Variants in GALNT13 observed in about 807,000 individuals in gnomAD.
GALNT13 encodes UDP-GalNAc:polypeptide N-acetylgalactosaminyltransferase 13.
GALNT13 carries 28 observed loss-of-function variants against 64.2 expected under a neutral mutation model. That is an observed-to-expected ratio of 0.44 (90% CI 0.32 to 0.60). The LOEUF (loss-of-function observed/expected upper bound fraction) is 0.60, where lower values mean the gene tolerates loss of function less well. Among genes scored for constraint, GALNT13 ranks in the 20% least tolerant of loss-of-function variants. The pLI, the probability that GALNT13 is intolerant of heterozygous loss-of-function variation, is 0.05. For synonymous variants in GALNT13, 214 were observed against 224.6 expected (o/e 0.95, Z 0.42); for missense variants, 577 against 669.8 (o/e 0.86, Z 1.53).
At chr2:153,516,134 A>C in the GALNT13 span, among the ~76,000 whole-genome samples, 4 of 152,334 alleles carry the variant, frequency 2.6e-5, no homozygotes, top group South Asian at 8.3e-4. Flanking sequence ...TCATTATTCT[A>C]TGCCACTTTG....
intron 3 of GALNT13, among the ~76,000 whole-genome samples, chr2:154,075,041 C>A (rs957738824): frequency 1.3e-5 from 2 of 151,660 alleles, no homozygotes; most frequent in Non-Finnish European, 2.9e-5. Flanking sequence ...TACTGGAGAT[C>A]CTAGCCACAA....
At chr2:153,664,886 T>C in the GALNT13 span, among the ~76,000 whole-genome samples, 2 of 152,104 alleles carry the variant, frequency 1.3e-5, no homozygotes, top group Non-Finnish European at 2.9e-5. Flanking sequence ...CAAATGAGAA[T>C]TGCCCTTCCC....
the GALNT13 span, among the ~76,000 whole-genome samples, chr2:153,118,685 C>T: frequency 6.6e-6 from 1 of 152,056 alleles, no homozygotes; most frequent in Admixed American, 6.6e-5. Flanking sequence ...TAGCTAATAC[C>T]TTTATAGTTC....
chr2:153,661,481 A>G, the GALNT13 span, among the ~76,000 whole-genome samples: 5 of 152,100 alleles, frequency 3.3e-5, no homozygotes, highest in African/African-American at 1.2e-4. Context: ...CCAATTCCAA[A>G]TTTTTTTATG....
At chr2:154,402,258 T>G (rs1388138256) in intron 10 of GALNT13, among the ~76,000 whole-genome samples, 1 of 152,202 alleles carries the variant, frequency 6.6e-6, no homozygotes. Context: ...GTGGGCAGTA[T>G]ATATCTCTCT....
chr2:153,241,677 G>C, the GALNT13 span, among the ~76,000 whole-genome samples: 2 of 151,762 alleles, frequency 1.3e-5, no homozygotes, highest in African/African-American at 4.8e-5. Flanking sequence ...GTGTGTGTGT[G>C]TAGGTGGTAA....
intron 3 of GALNT13, among the ~76,000 whole-genome samples, chr2:153,989,164 G>A (rs545132016): frequency 6.6e-6 from 1 of 151,986 alleles, no homozygotes; most frequent in East Asian, 1.9e-4. Context: ...ATTGAGTAAA[G>A]CAATACTTTA....
chr2:154,303,164 T>G, intron 9 of GALNT13, among the ~76,000 whole-genome samples: 1 of 150,736 alleles, frequency 6.6e-6, no homozygotes, highest in Non-Finnish European at 1.5e-5. Context: ...GGAGTGGAGG[T>G]TAAATAGGCA....
the GALNT13 span, among the ~76,000 whole-genome samples, chr2:153,625,446 G>C: frequency 1.7e-4 from 26 of 152,134 alleles, no homozygotes; most frequent in East Asian, 1.9e-4. Flanking sequence ...TAAGATATCA[G>C]TAAGTCCTTG....
At chr2:154,294,573 G>T (rs568108381) in intron 8 of GALNT13, among the ~76,000 whole-genome samples, 1 of 152,228 alleles carries the variant, frequency 6.6e-6, no homozygotes, top group African/African-American at 2.4e-5. Flanking sequence ...TTCACAAAAG[G>T]AAATCATGAC....
At chr2:153,533,769 A>G in the GALNT13 span, among the ~76,000 whole-genome samples, 2 of 52,568 alleles carry the variant, frequency 3.8e-5, no homozygotes, top group East Asian at 1.4e-3. Flanking sequence ...GGTAGTATCT[A>G]TTGGTATTTC....
At chr2:153,632,520 C>T in the GALNT13 span, among the ~76,000 whole-genome samples, 2 of 152,092 alleles carry the variant, frequency 1.3e-5, no homozygotes, top group Non-Finnish European at 2.9e-5. Flanking sequence ...ACCTGTTCAT[C>T]CTTCCCAAAC....
the GALNT13 span, among the ~76,000 whole-genome samples, chr2:153,198,242 T>C: frequency 6.6e-6 from 1 of 152,224 alleles, no homozygotes; most frequent in East Asian, 1.9e-4. Flanking sequence ...CAGCATGAGT[T>C]CCCACTCTGA....
At chr2:154,359,847 C>A (rs565044672) in intron 9 of GALNT13, among the ~76,000 whole-genome samples, 1 of 151,998 alleles carries the variant, frequency 6.6e-6, no homozygotes, top group Non-Finnish European at 1.5e-5. Flanking sequence ...GATTGCTGCT[C>A]CTCAGTAAAA....
chr2:154,241,148 G>A (rs1240552428), intron 4 of GALNT13, among the ~76,000 whole-genome samples: 1 of 152,168 alleles, frequency 6.6e-6, no homozygotes, highest in East Asian at 1.9e-4. Flanking sequence ...TGGACGTCCA[G>A]CAGCTTGTGT....
the GALNT13 span, among the ~76,000 whole-genome samples, chr2:153,561,087 A>G: frequency 1.3e-5 from 2 of 151,780 alleles, no homozygotes; most frequent in African/African-American, 4.8e-5. Flanking sequence ...CCCTTCCATT[A>G]TATCTTGCTA....
the GALNT13 span, among the ~76,000 whole-genome samples, chr2:153,372,644 CA>C: frequency 3.3e-3 from 435 of 130,026 alleles, no homozygotes; most frequent in African/African-American, 3.0e-3. Context: ...GACTCTGTCT[CA>C]AAAAAAAAAA....
the GALNT13 span, among the ~76,000 whole-genome samples, chr2:153,215,360 A>G: frequency 1.2e-3 from 184 of 152,250 alleles, no homozygotes; most frequent in African/African-American, 4.3e-3. Context: ...ATTATCCAAC[A>G]TAAAACAATT....
chr2:153,794,459 ATTT>A, the GALNT13 span, among the ~76,000 whole-genome samples: 1 of 152,126 alleles, frequency 6.6e-6, no homozygotes, highest in African/African-American at 2.4e-5. Flanking sequence ...GTGGTTAAAA[ATTT>A]TAAAACCAAT....
Sources: allele counts gnomAD v4.1 joint callset (sites outside exome capture counted in the v4.1 genomes callset), GRCh38; gene constraint gnomAD v4.1.1; transcripts MANE v1.5; gene names NCBI Gene and HGNC (gene_info 2026-07-23, HGNC 2026-07-21).